The following DSCAML1 variants were observed in gnomAD, a reference collection of about 807,000 sequenced individuals.
DSCAML1 encodes the protein cell adhesion molecule DSCAML1.
A neutral mutation model predicts 200.5 loss-of-function variants in DSCAML1; 38 were observed. That is an observed-to-expected ratio of 0.19 (90% confidence interval 0.15 to 0.25). The LOEUF (loss-of-function observed/expected upper bound fraction) is 0.25. Ranked by LOEUF, DSCAML1 falls within the 10% of genes least tolerant of loss-of-function variation. The pLI, the probability that DSCAML1 is intolerant of heterozygous loss-of-function variation, is 1.00. For synonymous variants in DSCAML1, 1,215 were observed against 1,165.0 expected, an observed-to-expected ratio of 1.04 and a Z score of -0.87; for missense variants, 2,223 against 2,858.8, an observed-to-expected ratio of 0.78 and a Z score of 5.07.
chr11:117,702,373 T>C (rs867441116), intron 3 of DSCAML1, among the ~76,000 whole-genome samples: 3 of 152,046 alleles, frequency 2.0e-5, no homozygotes, highest in Non-Finnish European at 2.9e-5. Flanking sequence ...TGCTTCTGCT[T>C]GGATAGCCCT....
At chr11:117,728,353 C>G (rs944802344) in intron 3 of DSCAML1, among the ~76,000 whole-genome samples, 10 of 152,182 alleles carry the variant, frequency 6.6e-5, no homozygotes, top group African/African-American at 2.4e-4. Context: ...GTGGATACAT[C>G]CTCCCTAAAA....
intron 3 of DSCAML1, among the ~76,000 whole-genome samples, chr11:117,684,787 C>A (rs1162025008): frequency 6.6e-6 from 1 of 152,194 alleles, no homozygotes; most frequent in Non-Finnish European, 1.5e-5. Context: ...GGAGTCTGAC[C>A]CCTTTCTTCA....
chr11:117,600,794 A>C (rs1397830686), intron 3 of DSCAML1, among the ~76,000 whole-genome samples: 1 of 152,094 alleles, frequency 6.6e-6, no homozygotes, highest in Non-Finnish European at 1.5e-5. Context: ...GGCAGGGAGA[A>C]GGTGATTTAT....
Position 117,505,315 on chromosome 11 carries a change from T to G in DSCAML1, c.2062+139A>C. On this transcript the variant is annotated intron_variant, in intron 9 of 32. Transcript: ENST00000651296. The surrounding 1 kb of genome is among the most constrained non-coding windows in gnomAD (Gnocchi z 6.7). ...GTTTCCTGCCCTGGAAAATAAGAGGTTTAGGCTCCAACAGGCCCTTCAAGA... is the reference window on the plus strand; with the variant it reads ...GTTTCCTGCCCTGGAAAATAAGAGGGTTAGGCTCCAACAGGCCCTTCAAGA... 8.1e-7 allele frequency: 1 copy of G among 1,234,188 alleles called. No individual in the cohort carries two copies. Among genetic ancestry groups the G allele is most frequent in the Non-Finnish European group, 1.1e-6 (1 of 904,574 alleles). The allele number at this position is 1,234,188 out of a possible 1,614,324, so 76.5% of individuals were successfully genotyped here.
chr11:117,471,766 C>T (rs1431272534), intron 15 of DSCAML1, 103 bp downstream of exon 15: 133 of 1,390,998 alleles, frequency 9.6e-5, no homozygotes, highest in Non-Finnish European at 1.2e-4. Context: ...CCACGCCACC[C>T]CCTTTAACTG....
intron 2 of DSCAML1, among the ~76,000 whole-genome samples, chr11:117,779,197 G>GAATT (rs1380944160): frequency 2.6e-5 from 4 of 152,124 alleles, no homozygotes; most frequent in Non-Finnish European, 5.9e-5. Context: ...GCAGTGGGCT[G>GAATT]GGTCTTTAAG....
intron 1 of DSCAML1, among the ~76,000 whole-genome samples, chr11:117,809,183 C>A (rs375672139): frequency 3.9e-5 from 6 of 152,374 alleles, no homozygotes; most frequent in African/African-American, 1.2e-4. Context: ...TGCCCTGAGA[C>A]CCCAGGCTCA....
chr11:117,741,344 T>C (rs1291894814), intron 3 of DSCAML1, among the ~76,000 whole-genome samples: 1 of 152,236 alleles, frequency 6.6e-6, no homozygotes, highest in Non-Finnish European at 1.5e-5. Flanking sequence ...GCCATCTCTC[T>C]CTGAATGGTG....
At chr11:117,800,437 AAC>A (rs1254621033), upstream of DSCAML1, among the ~76,000 whole-genome samples, 1 of 152,250 alleles carries the variant, frequency 6.6e-6, no homozygotes, top group Non-Finnish European at 1.5e-5. Flanking sequence ...AGTGAGAACA[AAC>A]ACAGTTGCCC....
At chr11:117,466,627 G>A (rs1350154950) in intron 16 of DSCAML1, among the ~76,000 whole-genome samples, 2 of 152,134 alleles carry the variant, frequency 1.3e-5, no homozygotes, top group Non-Finnish European at 2.9e-5. Flanking sequence ...CTTGAACCCG[G>A]GAGGCGGAGG....
chr11:117,432,789 G>A (rs1411899551), intron 29 of DSCAML1, among the ~76,000 whole-genome samples: 1 of 123,612 alleles, frequency 8.1e-6, no homozygotes, highest in African/African-American at 3.5e-5. Context: ...TTTTTTTTTT[G>A]TGGTAGAAAT....
chr11:117,553,593 G>A (rs917672990), intron 3 of DSCAML1, among the ~76,000 whole-genome samples: 1 of 152,178 alleles, frequency 6.6e-6, no homozygotes, highest in Admixed American at 6.5e-5. Flanking sequence ...TCATTCCCAT[G>A]AGGATAGCTA....
chr11:117,737,380 G>A lies in DSCAML1; in HGVS notation c.511+39411C>T, dbSNP rs554252726. ...CCCAGTGGACTTCAGGCAGGCAGTCGCTAGATCAGCAAGCATACAGTGCAT... is the reference window on the plus strand; with the variant it reads ...CCCAGTGGACTTCAGGCAGGCAGTCACTAGATCAGCAAGCATACAGTGCAT... On this transcript the variant is annotated intron_variant, in intron 3 of 32. Transcript: ENST00000651296. Among the ~76,000 whole-genome samples the A allele has an allele frequency of 6.0e-4, 92 of 152,310 alleles. 1 individual carries two copies. Among genetic ancestry groups the A allele is most frequent in the Non-Finnish European group, 1.1e-3 (73 of 68,020 alleles).
chr11:117,750,682 C>A (rs186866541), intron 3 of DSCAML1, among the ~76,000 whole-genome samples: 1 of 152,338 alleles, frequency 6.6e-6, no homozygotes, highest in East Asian at 1.9e-4. Context: ...AGTGGAACAA[C>A]CCCTGGCTTG....
rs115419993 is a variant in DSCAML1 at position 117,452,392 on chromosome 11, G to A, written c.3569-1704C>T. 5.8e-3 allele frequency among the ~76,000 whole-genome samples: 880 copies of A among 152,124 alleles called. 7 individuals carry two copies. Among genetic ancestry groups the A allele is most frequent in the African/African-American group, 0.02 (829 of 41,504 alleles). On this transcript the variant is annotated intron_variant, in intron 19 of 32. Transcript: ENST00000651296. ...CTCTTTATCTCTACAAATTCTTTTTGCCTTATAGTATGTCTGACACTAATA... is the reference window on the plus strand; with the variant it reads ...CTCTTTATCTCTACAAATTCTTTTTACCTTATAGTATGTCTGACACTAATA...
chr11:117,753,876 G>T (rs1170510302), intron 3 of DSCAML1, among the ~76,000 whole-genome samples: 1 of 152,200 alleles, frequency 6.6e-6, no homozygotes, highest in East Asian at 1.9e-4. Context: ...TCTGGACTAG[G>T]TTGTCACTAA....
At chr11:117,576,464 A>T (rs2050935146) in intron 3 of DSCAML1, among the ~76,000 whole-genome samples, 1 of 151,634 alleles carries the variant, frequency 6.6e-6, no homozygotes, top group Non-Finnish European at 1.5e-5. Flanking sequence ...ATTGCTTTCT[A>T]CTCCCAGTTC....
chr11:117,626,870 A>C (rs1041211833), intron 3 of DSCAML1, among the ~76,000 whole-genome samples: 1 of 152,104 alleles, frequency 6.6e-6, no homozygotes, highest in African/African-American at 2.4e-5. Flanking sequence ...ATCTCATCCT[A>C]TGCTCCACGG....
intron 19 of DSCAML1, among the ~76,000 whole-genome samples, chr11:117,456,512 C>A (rs771628714): frequency 6.6e-6 from 1 of 152,098 alleles, no homozygotes; most frequent in African/African-American, 2.4e-5. Context: ...TCAGTTTTCT[C>A]CCCTGTAACA....
Sources: allele counts gnomAD v4.1 joint callset (sites outside exome capture counted in the v4.1 genomes callset), GRCh38; gene constraint gnomAD v4.1.1; non-coding constraint Gnocchi (gnomAD v3.1); transcripts MANE v1.5; gene names NCBI Gene and HGNC (gene_info 2026-07-23, HGNC 2026-07-21).